USH2A: variants seen among roughly 807,000 people sequenced by gnomAD.
USH2A encodes the protein Usher syndrome 2A (autosomal recessive, mild).
A neutral mutation model predicts 538.9 loss-of-function variants in USH2A; 443 were observed. The observed-to-expected ratio is 0.82, with a 90% CI of 0.76 to 0.89. USH2A has a LOEUF of 0.89. USH2A is among the 40% of genes least tolerant of loss of function. The pLI is 0.00. For synonymous variants in USH2A, 2,413 were observed against 2,273.5 expected (o/e 1.06, Z -1.75); for missense variants, 6,633 against 6,324.8 (o/e 1.05, Z -1.65).
intron 11 of USH2A, among the ~76,000 whole-genome samples, chr1:216,254,498 C>T (rs1269060562): frequency 6.6e-6 from 1 of 152,150 alleles, no homozygotes; most frequent in African/African-American, 2.4e-5. Context: ...CGGCCAAATA[C>T]TAGCACATAT....
At chr1:216,374,563 T>A (rs1453967173) in intron 3 of USH2A, among the ~76,000 whole-genome samples, 2 of 152,174 alleles carry the variant, frequency 1.3e-5, no homozygotes, top group African/African-American at 4.8e-5. Context: ...CCCTTTGCAA[T>A]TAGCAAACAT....
rs138109851 is a variant in USH2A at position 215,998,682 on chromosome 1, A to AT, written c.6657+204dup. On this transcript the variant is annotated intron_variant, in intron 34 of 71. Transcript: ENST00000307340. ...TACTGACTCAGGGTGTTATTCTATC[A>AT]TTTGCATAATATAAAATAAATGTGT... is the stretch of plus-strand genomic sequence containing the variant. Among the ~76,000 whole-genome samples the AT allele has an allele frequency of 0.037, 5,671 of 152,140 alleles. 346 individuals carry two copies. The highest frequency in any genetic ancestry group is 0.13 in the African/African-American group (5,411 of 41,486).
At chr1:216,143,968 C>G (rs1283648578) in intron 21 of USH2A, among the ~76,000 whole-genome samples, 2 of 152,060 alleles carry the variant, frequency 1.3e-5, no homozygotes, top group African/African-American at 2.4e-5. Context: ...AAGCCAGGAA[C>G]CCAGTAGCTA....
At chr1:215,818,202 T>G (rs1286920300) in intron 47 of USH2A, among the ~76,000 whole-genome samples, 1 of 151,910 alleles carries the variant, frequency 6.6e-6, no homozygotes, top group African/African-American at 2.4e-5. Flanking sequence ...TATATGCAGA[T>G]TTTCGACTGG....
At chr1:216,302,857 G>A (rs867386933) in intron 9 of USH2A, among the ~76,000 whole-genome samples, 6 of 151,986 alleles carry the variant, frequency 3.9e-5, no homozygotes, top group South Asian at 2.1e-4. Flanking sequence ...AGGATTATTC[G>A]GATAATCCTT....
chr1:215,803,971 A>G (rs1662417021), intron 49 of USH2A, among the ~76,000 whole-genome samples: 1 of 152,218 alleles, frequency 6.6e-6, no homozygotes, highest in Non-Finnish European at 1.5e-5. Context: ...GCCCTCAGAA[A>G]TAATGCCACA....
intron 38 of USH2A, among the ~76,000 whole-genome samples, chr1:215,922,348 A>G (rs1391029508): frequency 1.3e-5 from 2 of 152,084 alleles, no homozygotes; most frequent in African/African-American, 2.4e-5. Flanking sequence ...GGAATTGGTT[A>G]TCTTTGGTAT....
intron 50 of USH2A, among the ~76,000 whole-genome samples, chr1:215,794,109 A>C (rs1662055186): frequency 6.6e-6 from 1 of 152,216 alleles, no homozygotes. Context: ...CCTGTATAAC[A>C]CTTCTACACA....
intron 49 of USH2A, among the ~76,000 whole-genome samples, chr1:215,805,560 C>T (rs1038277825): frequency 6.6e-6 from 1 of 151,930 alleles, no homozygotes; most frequent in Admixed American, 6.6e-5. Context: ...GAATTGTGTG[C>T]TTAAAAAATG....
chr1:216,284,390 C>T (rs2036842246), intron 11 of USH2A, among the ~76,000 whole-genome samples: 2 of 152,144 alleles, frequency 1.3e-5, no homozygotes, highest in South Asian at 2.1e-4. Flanking sequence ...CCCACCCTCA[C>T]TTGGCACTTC....
chr1:216,136,699 A>G (rs1326538656), intron 21 of USH2A, among the ~76,000 whole-genome samples: 1 of 152,190 alleles, frequency 6.6e-6, no homozygotes, highest in African/African-American at 2.4e-5. Context: ...GTGAGGCCCT[A>G]CTGTAGTATG....
chr1:216,204,434 AC>A (rs2035067353), intron 16 of USH2A: 1 of 100,226 alleles, frequency 1.0e-5, no homozygotes, highest in Non-Finnish European at 2.4e-5. Flanking sequence ...TATTATAATA[AC>A]AAATAATTTG....
chr1:216,327,189 A>C (rs2037750881), intron 5 of USH2A, among the ~76,000 whole-genome samples: 2 of 152,190 alleles, frequency 1.3e-5, no homozygotes, highest in African/African-American at 4.8e-5. Flanking sequence ...ATAATTAATC[A>C]CGTTTATTGT....
chr1:215,939,871 G>A (rs939497388), intron 37 of USH2A, among the ~76,000 whole-genome samples: 1 of 152,004 alleles, frequency 6.6e-6, no homozygotes, highest in Non-Finnish European at 1.5e-5. Flanking sequence ...TTAACTTGTG[G>A]GAAAGAGGTG....
chr1:215,753,223 C>T (rs1434078968), intron 58 of USH2A, among the ~76,000 whole-genome samples: 7 of 152,156 alleles, frequency 4.6e-5, no homozygotes. Context: ...GGACTGTAAA[C>T]TAGTTCAACC....
intron 38 of USH2A, among the ~76,000 whole-genome samples, chr1:215,913,373 G>A (rs1006237715): frequency 1.3e-5 from 2 of 152,042 alleles, no homozygotes; most frequent in Admixed American, 1.3e-4. Context: ...CTTAATTTTG[G>A]TTGAAAGAAG....
At chr1:215,979,439 T>A (rs1480673501) in intron 35 of USH2A, among the ~76,000 whole-genome samples, 1 of 152,186 alleles carries the variant, frequency 6.6e-6, no homozygotes, top group East Asian at 1.9e-4. Context: ...TTAGTGTTTT[T>A]ATGAACTGAC....
chr1:215,725,367 A>G (rs1181893991), intron 61 of USH2A, among the ~76,000 whole-genome samples: 1 of 152,220 alleles, frequency 6.6e-6, no homozygotes, highest in East Asian at 1.9e-4. Context: ...TGTGGGAATA[A>G]GTGAAACACA....
At chr1:216,292,946 A>T (rs1166243074) in intron 9 of USH2A, among the ~76,000 whole-genome samples, 8 of 152,156 alleles carry the variant, frequency 5.3e-5, no homozygotes. Flanking sequence ...GTCCTTTGTA[A>T]AATACTCACT....
Sources: gnomAD v4.1 joint callset for allele counts (sites outside exome capture counted in the v4.1 genomes callset) on GRCh38, gnomAD v4.1.1 for gene constraint, MANE v1.5 for transcripts, NCBI Gene and HGNC (gene_info 2026-07-23, HGNC 2026-07-21) for gene names.